The following PLEKHA7 variants were observed in gnomAD, a reference collection of about 807,000 sequenced individuals.
The protein encoded by PLEKHA7 is pleckstrin homology domain-containing family A member 7.
In PLEKHA7, 104 loss-of-function variants were observed where a neutral mutation model predicts 170.0. The observed-to-expected ratio is 0.61, with a 90% CI of 0.52 to 0.72. PLEKHA7 has a LOEUF of 0.72. Ranked by LOEUF, PLEKHA7 falls within the 30% of genes least tolerant of loss-of-function variation. PLEKHA7 has a pLI of 0.00. For synonymous variants in PLEKHA7, 648 were observed against 660.8 expected (o/e 0.98, Z 0.30); for missense variants, 1,615 against 1,671.7 (o/e 0.97, Z 0.59).
At chr11:16,823,994 T>C (rs139965066) in intron 10 of PLEKHA7, among the ~76,000 whole-genome samples, 18 of 152,292 alleles carry the variant, frequency 1.2e-4, no homozygotes, top group African/African-American at 1.9e-4. Context: ...TTAAGTGAAA[T>C]ATGCCAGGCA....
At chr11:16,781,999 G>C (rs1452119692) in intron 26 of PLEKHA7, among the ~76,000 whole-genome samples, 1 of 152,072 alleles carries the variant, frequency 6.6e-6, no homozygotes, top group Non-Finnish European at 1.5e-5. Flanking sequence ...GCACACACAA[G>C]CAGGTGAGCT....
At chr11:16,846,825 T>G (rs2135351531) in intron 8 of PLEKHA7, among the ~76,000 whole-genome samples, 1 of 152,266 alleles carries the variant, frequency 6.6e-6, no homozygotes, top group African/African-American at 2.4e-5. Flanking sequence ...CAATTACACT[T>G]AATGCTCCCT....
chr11:17,008,116 A>G (rs1377887032), intron 3 of PLEKHA7, among the ~76,000 whole-genome samples: 3 of 152,098 alleles, frequency 2.0e-5, no homozygotes, highest in South Asian at 2.1e-4. Context: ...TGTCTTTCCC[A>G]GAGTCTAGCT....
chr11:16,850,426 A>C (rs1214969955), intron 8 of PLEKHA7, among the ~76,000 whole-genome samples: 1 of 152,180 alleles, frequency 6.6e-6, no homozygotes, highest in Non-Finnish European at 1.5e-5. Flanking sequence ...AGTAAAGTGG[A>C]TCTTCAATCC....
Position 16,791,208 on chromosome 11 carries a change from A to G in PLEKHA7, c.2746-9T>C, listed in dbSNP as rs1349238335. ...GGAGGTGCTTCATCTTCCTGCTGAG[A>G]AAGAGAACCAGACCAGTGGTCAGCG... On this transcript the variant is annotated splice_polypyrimidine_tract_variant and intron_variant, in intron 19 of 26. Coordinates refer to ENST00000531066, the MANE Select transcript of PLEKHA7 (RefSeq NM_001329630.2). This position sits in a 1 kb window ranked among gnomAD's most constrained non-coding sequence, Gnocchi z 4.5. 9 of 1,579,892 alleles carry G rather than the reference A, an allele frequency of 5.7e-6. No individual in the cohort carries two copies. In the Admixed American group the frequency reaches 1.4e-4, roughly 25 times the overall value.
rs544910033 is a variant in PLEKHA7, at chr11:16,849,502, T to C, written c.696+1689A>G. Among the ~76,000 whole-genome samples, 9 of 152,336 alleles carry C rather than the reference T, an allele frequency of 5.9e-5. No homozygotes were observed. The East Asian group carries it at 1.7e-3, about 29-fold the overall frequency. ...CAGAGTCAGGAATAAGTTTCTAAAATGATACAATTAATGTCAATTCAAACC... is the reference window on the plus strand; with the variant it reads ...CAGAGTCAGGAATAAGTTTCTAAAACGATACAATTAATGTCAATTCAAACC... On this transcript the variant is annotated intron_variant, in intron 8 of 26. Coordinates refer to ENST00000531066, the MANE Select transcript of PLEKHA7 (RefSeq NM_001329630.2).
chr11:16,872,389 A>C (rs1355464972), intron 3 of PLEKHA7, among the ~76,000 whole-genome samples: 2 of 152,222 alleles, frequency 1.3e-5, no homozygotes, highest in African/African-American at 2.4e-5. Context: ...GAATCACTTT[A>C]GGCTATTGAG....
intron 3 of PLEKHA7, among the ~76,000 whole-genome samples, chr11:16,876,389 T>A (rs1855294909): frequency 6.6e-6 from 1 of 152,106 alleles, no homozygotes. Flanking sequence ...ATTTGGCAAA[T>A]GAGGTAAACA....
intron 4 of PLEKHA7, among the ~76,000 whole-genome samples, chr11:16,870,335 G>C (rs1854729770): frequency 6.6e-6 from 1 of 151,970 alleles, no homozygotes; most frequent in South Asian, 2.1e-4. Context: ...TTTTTTAAGA[G>C]ATGGGGTCTA....
intron 3 of PLEKHA7, among the ~76,000 whole-genome samples, chr11:16,960,044 C>T (rs1259531352): frequency 6.6e-6 from 1 of 152,214 alleles, no homozygotes; most frequent in Non-Finnish European, 1.5e-5. Flanking sequence ...CTCCTGTGCC[C>T]TCCTTTCGCT....
chr11:16,826,027 C>T (rs1041670765), intron 10 of PLEKHA7, 93 bp downstream of exon 10: 5 of 1,299,220 alleles, frequency 3.8e-6, no homozygotes, highest in Admixed American at 4.0e-5. Context: ...GAGTTTAAGG[C>T]TGCCCTTACG....
At chr11:16,929,941 T>C (rs1463559646) in intron 3 of PLEKHA7, among the ~76,000 whole-genome samples, 7 of 151,586 alleles carry the variant, frequency 4.6e-5, no homozygotes, top group African/African-American at 1.5e-4. Context: ...GAGGTGGAGG[T>C]TGCAGTGAGC....
At position 16,850,138 on chromosome 11, in the gene PLEKHA7, G is replaced by A. The variant is rs376003900; in HGVS notation, c.696+1053C>T. The stretch of plus-strand genomic sequence containing the variant: ...TTAACCCTTCCAGAGAATGGCAGGC[G>A]TCTTACCTTGAGCTTTCCCGTGGTC... On this transcript the variant is annotated intron_variant, in intron 8 of 26. Coordinates refer to ENST00000531066, the MANE Select transcript of PLEKHA7 (RefSeq NM_001329630.2). Among the ~76,000 whole-genome samples the A allele has an allele frequency of 3.0e-4, 45 of 152,266 alleles. No individual in the cohort carries two copies. The East Asian group carries it at 5.0e-3, about 17-fold the overall frequency.
chr11:16,847,237 C>T (rs1852509276), intron 8 of PLEKHA7, among the ~76,000 whole-genome samples: 2 of 151,810 alleles, frequency 1.3e-5, no homozygotes, highest in South Asian at 4.2e-4. Context: ...GCTGGGACTA[C>T]AGGCGCCAGC....
rs913232908 is a variant in PLEKHA7, at chr11:16,801,578, A to T, written c.2307+90T>A. The T allele has an allele frequency of 4.0e-6, 6 of 1,509,746 alleles. No individual in the cohort carries two copies. In the African/African-American group the frequency reaches 4.1e-5, roughly 10 times the overall value. The allele number at this position is 1,509,746 out of a possible 1,614,324, so 93.5% of individuals were successfully genotyped here. ...GCTATTTCAGGACTCTTGCCTCTGG[A>T]CACCAACTCAACTACATCTTGGGAG... On this transcript the variant is annotated intron_variant, in intron 16 of 26. Transcript: ENST00000531066.
intron 3 of PLEKHA7, among the ~76,000 whole-genome samples, chr11:16,933,795 T>C (rs1023499692): frequency 1.3e-5 from 2 of 152,180 alleles, no homozygotes; most frequent in Non-Finnish European, 2.9e-5. Flanking sequence ...GAATCCTTCC[T>C]GGGTATAGGG....
chr11:16,816,880 C>A lies in PLEKHA7; in HGVS notation c.1786G>T (p.Val596Leu). ...CTCCTCCTCTGGTCCGGTGGCTTCA[C>A]TGTGACTCGCTCTGCTGGTGTGTGT... ...RPHTPAERVT[V>L]KPPDQRRSVD... The change falls in exon 11 of 27, where the codon GTG becomes TTG. Residue 596 changes from valine to leucine, a missense_variant. Val to Leu is a conservative substitution (Grantham distance 32). Transcript: ENST00000531066. 1 of 1,614,154 alleles carries A rather than the reference C, an allele frequency of 6.2e-7. No homozygotes were observed. Among genetic ancestry groups the A allele is most frequent in the Non-Finnish European group, 8.5e-7 (1 of 1,180,028 alleles).
intron 3 of PLEKHA7, among the ~76,000 whole-genome samples, chr11:16,933,322 C>A (rs533606751): frequency 6.6e-6 from 1 of 152,178 alleles, no homozygotes; most frequent in Non-Finnish European, 1.5e-5. Context: ...GACTACAGTT[C>A]CATGCCAATG....
At chr11:16,938,704 A>G (rs1478221092) in intron 3 of PLEKHA7, among the ~76,000 whole-genome samples, 4 of 152,220 alleles carry the variant, frequency 2.6e-5, no homozygotes, top group African/African-American at 9.6e-5. Context: ...AATAGAGATG[A>G]GAAAGAGATG....
Sources: gnomAD v4.1 joint callset for allele counts (sites outside exome capture counted in the v4.1 genomes callset) on GRCh38, gnomAD v4.1.1 for gene constraint, Gnocchi (gnomAD v3.1) non-coding constraint, MANE v1.5 for transcripts, NCBI Gene and HGNC (gene_info 2026-07-23, HGNC 2026-07-21) for gene names.